Variants in SLC12A1 observed in about 807,000 individuals in gnomAD.
SLC12A1 encodes Na-K-2Cl cotransporter.
A neutral mutation model predicts 130.4 loss-of-function variants in SLC12A1; 89 were observed. That is an observed-to-expected ratio of 0.68 (90% CI 0.58 to 0.81). The LOEUF is 0.81. Among genes scored for constraint, SLC12A1 ranks in the 40% least tolerant of loss-of-function variants. SLC12A1 has a pLI of 0.00. For synonymous variants in SLC12A1, 499 were observed against 460.0 expected (o/e 1.08, Z -1.09); for missense variants, 1,310 against 1,336.4 (o/e 0.98, Z 0.31).
At chr15:48,247,525 C>T in intron 13 of SLC12A1, 65 bp downstream of exon 13, 1 of 1,267,062 alleles carries the variant, frequency 7.9e-7, no homozygotes, top group Admixed American at 2.6e-5. Flanking sequence ...ATAGGGCTTT[C>T]CTTTTAGTTT....
At chr15:48,221,989 A>G (rs552816140) in intron 4 of SLC12A1, among the ~76,000 whole-genome samples, 1 of 152,356 alleles carries the variant, frequency 6.6e-6, no homozygotes, top group Admixed American at 6.5e-5. Context: ...TAAGCTGTAA[A>G]TTGAAAAAAT....
intron 7 of SLC12A1, among the ~76,000 whole-genome samples, chr15:48,231,814 G>C (rs962694759): frequency 1.3e-5 from 2 of 152,030 alleles, no homozygotes; most frequent in Non-Finnish European, 2.9e-5. Flanking sequence ...TCAGGAGTTC[G>C]AGGCCAGCCT....
At chr15:48,226,430 G>C in intron 4 of SLC12A1, 46 bp from the exon 5 acceptor site, 1 of 1,225,236 alleles carries the variant, frequency 8.2e-7, no homozygotes, top group Non-Finnish European at 1.2e-6. Flanking sequence ...GGGAATCCAA[G>C]GAAGAAAAGT....
At chr15:48,207,490 T>C (rs563113285) in intron 1 of SLC12A1, 44 bp from the exon 2 acceptor site, 1 of 355,330 alleles carries the variant, frequency 2.8e-6, no homozygotes, top group South Asian at 9.4e-5. Flanking sequence ...CCTAAATATA[T>C]TTGTATTACT....
Position 48,288,405 on chromosome 15 carries a change from G to A in SLC12A1, c.2762G>A (p.Gly921Glu). Residue 921 changes from glycine to glutamate, a missense_variant and splice_region_variant, in exon 23 of 27, where the codon GGG becomes GAG. Coordinates refer to ENST00000380993, the MANE Select transcript of SLC12A1 (RefSeq NM_000338.3). ...TGTCATAATTTATTCTTTATTCCAG[G>A]GTTAACACTTCTTATCCCCTATATC... ...IDVWWLFDDG[G>E]LTLLIPYILT... 7.0e-7 allele frequency: 1 copy of A among 1,419,530 alleles called. No homozygotes were observed. The highest frequency in any genetic ancestry group is 9.7e-7 in the Non-Finnish European group (1 of 1,028,520). 87.9% of individuals were successfully genotyped at this position (1,419,530 alleles called of 1,614,324 possible). A position where few individuals can be genotyped will look rare whatever the true frequency, so the allele number is the denominator to read the frequency against.
At chr15:48,257,413 C>A (rs142968922) in intron 16 of SLC12A1, among the ~76,000 whole-genome samples, 55 of 152,338 alleles carry the variant, frequency 3.6e-4, no homozygotes, top group African/African-American at 1.3e-3. Context: ...TCCGACCCCA[C>A]ATTTTCCTTC....
At chr15:48,245,811 C>T (rs79726422) in intron 11 of SLC12A1, among the ~76,000 whole-genome samples, 1,830 of 152,248 alleles carry the variant, frequency 0.012, 39 homozygotes, top group African/African-American at 0.042. Flanking sequence ...GGTCAAATGA[C>T]AGTCCTGTTT....
Position 48,272,408 on chromosome 15 carries a change from T to A in SLC12A1, c.2403-2163T>A, listed in dbSNP as rs533242203. Reference sequence around the variant, plus strand: ...TAAATGTCTGTAATATTCTTAAGTATGGTTTAGTTTTTTGTTTGTTTGTTT... The same window carrying A: ...TAAATGTCTGTAATATTCTTAAGTAAGGTTTAGTTTTTTGTTTGTTTGTTT... On this transcript the variant is annotated intron_variant, in intron 19 of 26. Transcript: ENST00000380993. Among the ~76,000 whole-genome samples, 148 of 150,144 alleles carry A rather than the reference T, an allele frequency of 9.9e-4. 1 individual carries two copies. The highest frequency in any genetic ancestry group is 8.0e-4 in the Non-Finnish European group (54 of 67,808).
chr15:48,297,740 A>T (rs975608990), intron 24 of SLC12A1, among the ~76,000 whole-genome samples: 1 of 152,078 alleles, frequency 6.6e-6, no homozygotes, highest in Admixed American at 6.6e-5. Context: ...ACTCACAGTG[A>T]CTCTCAAGCC....
At chr15:48,232,408 T>C (rs571648911) in intron 7 of SLC12A1, among the ~76,000 whole-genome samples, 3 of 152,376 alleles carry the variant, frequency 2.0e-5, no homozygotes, top group African/African-American at 7.2e-5. Flanking sequence ...AGTTTATCAG[T>C]GTTAAAACTT....
chr15:48,275,506 G>T (rs111453060), intron 20 of SLC12A1, among the ~76,000 whole-genome samples: 1 of 152,050 alleles, frequency 6.6e-6, no homozygotes, highest in Non-Finnish European at 1.5e-5. Context: ...AAGAAAGAAG[G>T]GGCACCTAAC....
At position 48,220,131 on chromosome 15, in the gene SLC12A1, GTAGATAGATAGATAGA is replaced by G. The variant is rs71120609; in HGVS notation, c.421-464_421-449del. ...CTCAAAAAAAAAAAAAAAAAAAAAG[GTAGATAGATAGATAGA>G]TAGATAGATAGATAGATAGATAGAT... is the stretch of plus-strand genomic sequence containing the variant. On this transcript the variant is annotated intron_variant, in intron 2 of 26. Transcript: ENST00000380993. Among the ~76,000 whole-genome samples the G allele has an allele frequency of 3.2e-3, 343 of 105,766 alleles. 1 individual carries two copies. Among genetic ancestry groups the G allele is most frequent in the South Asian group, 6.6e-3 (19 of 2,898 alleles). The allele number at this position is 105,766 out of a possible 152,430, so 69.4% of individuals were successfully genotyped here.
chr15:48,293,725 G>C (rs2042144300), intron 24 of SLC12A1, among the ~76,000 whole-genome samples: 1 of 152,162 alleles, frequency 6.6e-6, no homozygotes, highest in African/African-American at 2.4e-5. Context: ...CTTCCAAGGA[G>C]ATGGGTCAGT....
chr15:48,219,367 C>T (rs1282769966), intron 2 of SLC12A1, among the ~76,000 whole-genome samples: 1 of 152,002 alleles, frequency 6.6e-6, no homozygotes, highest in Admixed American at 6.6e-5. Context: ...ACCATCCTGG[C>T]CAACAAGGTG....
At chr15:48,276,322 T>G (rs973012208) in intron 20 of SLC12A1, among the ~76,000 whole-genome samples, 1 of 152,162 alleles carries the variant, frequency 6.6e-6, no homozygotes, top group South Asian at 2.1e-4. Context: ...ATTTAGGAGA[T>G]GTTATGGGCT....
chr15:48,209,923 C>G (rs1023571285), intron 2 of SLC12A1, among the ~76,000 whole-genome samples: 1 of 152,150 alleles, frequency 6.6e-6, no homozygotes, highest in African/African-American at 2.4e-5. Flanking sequence ...TCCTTATAGA[C>G]CTAAGATTTA....
intron 19 of SLC12A1, among the ~76,000 whole-genome samples, chr15:48,273,198 T>C (rs2141095815): frequency 6.6e-6 from 1 of 152,086 alleles, no homozygotes; most frequent in East Asian, 1.9e-4. Flanking sequence ...CCGGAGGCTC[T>C]AGGATAAATT....
chr15:48,288,500 G>A lies in SLC12A1; in HGVS notation c.2857G>A (p.Glu953Lys), dbSNP rs1244909960. 3 of 1,536,882 alleles carry A rather than the reference G, an allele frequency of 2.0e-6. No homozygotes were observed. Among genetic ancestry groups the A allele is most frequent in the Non-Finnish European group, 1.8e-6 (2 of 1,132,640 alleles). Reference sequence around the variant, plus strand: ...TGTGGGAGGGAAGATCAACCGCATTGAAGAAGAAAAAATTGTGTAAGTAGT... The same window carrying A: ...TGTGGGAGGGAAGATCAACCGCATTAAAGAAGAAAAAATTGTGTAAGTAGT... ...IYVGGKINRI[E>K]EEKIVMASLL... is the part of the protein sequence containing the mutation. The change falls in exon 23 of 27, where the codon GAA becomes AAA. Residue 953 changes from glutamate (E) to lysine (K), a missense_variant. By Grantham distance (56) the Glu-to-Lys change is moderately conservative. Transcript: ENST00000380993.
At chr15:48,224,927 G>A (rs1450196883) in intron 4 of SLC12A1, 6 of 152,090 alleles carry the variant, frequency 3.9e-5, no homozygotes, top group African/African-American at 1.4e-4. Context: ...TCAACCTTCT[G>A]AACCATAAAA....
Sources: gnomAD v4.1 joint callset for allele counts (sites outside exome capture counted in the v4.1 genomes callset) on GRCh38, gnomAD v4.1.1 for gene constraint, MANE v1.5 for transcripts, NCBI Gene and HGNC (gene_info 2026-07-23, HGNC 2026-07-21) for gene names.